Variants in FOXP4 observed in about 807,000 individuals in gnomAD.
FOXP4 encodes forkhead box protein P4.
In FOXP4, 25 loss-of-function variants were observed where a neutral mutation model predicts 82.6. The observed-to-expected ratio is 0.30, with a 90% CI of 0.22 to 0.42. The LOEUF (loss-of-function observed/expected upper bound fraction) is 0.42, where lower values mean the gene tolerates loss of function less well. Among genes scored for constraint, FOXP4 ranks in the 10% least tolerant of loss-of-function variants. The pLI, the probability that FOXP4 is intolerant of heterozygous loss-of-function variation, is 1.00. For missense variants in FOXP4, 785 were observed against 900.9 expected, an observed-to-expected ratio of 0.87 and a Z score of 1.65; for synonymous variants, 415 against 388.2, an observed-to-expected ratio of 1.07 and a Z score of -0.81.
At chr6:41,554,068 C>CG (rs1562006363) in intron 1 of FOXP4, among the ~76,000 whole-genome samples, 1 of 152,140 alleles carries the variant, frequency 6.6e-6, no homozygotes, top group African/African-American at 2.4e-5. Context: ...TGTGCTTTGC[C>CG]GTTTCACATA....
At position 41,552,260 on chromosome 6, in the gene FOXP4, A is replaced by G. The variant is rs183914069; in HGVS notation, c.-17+5393A>G. ...CTTTGGGGTTCCCCTGCAGATGCAC[A>G]TCCGCATCCTGGAAGGAAGGGGTAC... is the stretch of plus-strand genomic sequence containing the variant. On this transcript the variant is annotated intron_variant, in intron 1 of 16. Coordinates refer to ENST00000307972, the MANE Select transcript of FOXP4 (RefSeq NM_001012426.2). Among the ~76,000 whole-genome samples, 585 of 152,274 alleles carry G rather than the reference A, an allele frequency of 3.8e-3. 4 individuals are homozygous for G. The highest frequency in any genetic ancestry group is 7.9e-3 in the Admixed American group (121 of 15,306).
chr6:41,561,849 A>G (rs1764599861), intron 1 of FOXP4, among the ~76,000 whole-genome samples: 1 of 152,222 alleles, frequency 6.6e-6, no homozygotes, highest in South Asian at 2.1e-4. Flanking sequence ...GCTCAGAGAA[A>G]AGGGAAGGCA....
intron 1 of FOXP4, among the ~76,000 whole-genome samples, chr6:41,562,304 A>G (rs527254954): frequency 6.6e-6 from 1 of 152,172 alleles, no homozygotes; most frequent in Non-Finnish European, 1.5e-5. Flanking sequence ...GGGGCAGAGC[A>G]TGCCACATGG....
chr6:41,567,066 T>TC (rs1764924718), intron 2 of FOXP4, among the ~76,000 whole-genome samples: 1 of 152,112 alleles, frequency 6.6e-6, no homozygotes, highest in South Asian at 2.1e-4. Context: ...AGCAACACCA[T>TC]CAGAAGCCTG....
At chr6:41,556,952 G>T (rs187449846) in intron 1 of FOXP4, among the ~76,000 whole-genome samples, 2 of 152,300 alleles carry the variant, frequency 1.3e-5, no homozygotes, top group East Asian at 3.9e-4. Flanking sequence ...GTTTTTTAAA[G>T]CTCCCCAGAT....
intron 2 of FOXP4, among the ~76,000 whole-genome samples, chr6:41,576,014 A>G (rs1012453068): frequency 1.3e-5 from 2 of 149,044 alleles, no homozygotes; most frequent in African/African-American, 5.0e-5. Context: ...CTCCTTCCTA[A>G]TGACCACCTG....
intron 2 of FOXP4, among the ~76,000 whole-genome samples, chr6:41,566,901 G>C (rs1322067982): frequency 6.6e-6 from 1 of 152,210 alleles, no homozygotes; most frequent in Non-Finnish European, 1.5e-5. Context: ...GTGCACACGT[G>C]TGTGTACCAC....
At chr6:41,580,044 C>CTTT (rs10644693) in intron 3 of FOXP4, among the ~76,000 whole-genome samples, 1,396 of 131,906 alleles carry the variant, frequency 0.011, 25 homozygotes, top group African/African-American at 0.013. Context: ...AGAACTCACA[C>CTTT]TTTTTTTTTT....
chr6:41,582,397 C>A (rs969843820), intron 3 of FOXP4, among the ~76,000 whole-genome samples: 1 of 152,220 alleles, frequency 6.6e-6, no homozygotes, highest in African/African-American at 2.4e-5. Flanking sequence ...GCTAATGATG[C>A]AGGGAGGGCA....
intron 1 of FOXP4, among the ~76,000 whole-genome samples, chr6:41,562,517 G>C (rs1764643573): frequency 6.6e-6 from 1 of 152,118 alleles, no homozygotes; most frequent in Non-Finnish European, 1.5e-5. Flanking sequence ...AAAGAAAGGA[G>C]CACCTCTGTC....
chr6:41,563,127 G>A (rs1200218639), intron 1 of FOXP4, among the ~76,000 whole-genome samples: 1 of 152,186 alleles, frequency 6.6e-6, no homozygotes, highest in Admixed American at 6.5e-5. Context: ...AACATACAGA[G>A]AAATTCACAA....
chr6:41,547,169 G>C (rs960474592), intron 1 of FOXP4, among the ~76,000 whole-genome samples: 2 of 152,004 alleles, frequency 1.3e-5, no homozygotes, highest in African/African-American at 4.8e-5. Context: ...CGGCGGGAGT[G>C]GGGGCAGCCG....
intron 1 of FOXP4, among the ~76,000 whole-genome samples, chr6:41,560,423 C>G (rs1764502090): frequency 1.3e-5 from 2 of 152,356 alleles, no homozygotes; most frequent in East Asian, 1.9e-4. Flanking sequence ...GAAACGATAT[C>G]TTATTTAAAT....
intron 2 of FOXP4, among the ~76,000 whole-genome samples, chr6:41,567,494 A>G (rs1764949006): frequency 6.6e-6 from 1 of 152,190 alleles, no homozygotes; most frequent in South Asian, 2.1e-4. Flanking sequence ...GCAATATCCT[A>G]ACCTTTACCA....
In FOXP4 at chr6:41,552,471, C is replaced by T. The variant is rs916359867; in HGVS notation, c.-17+5604C>T. The stretch of plus-strand genomic sequence containing the variant: ...GTAGAGTTGGTCCACTGAGAGAATC[C>T]CTCCTTCAGGAAGCCTCTGAGCTTT... On this transcript the variant is annotated intron_variant, in intron 1 of 16. Coordinates refer to ENST00000307972, the MANE Select transcript of FOXP4 (RefSeq NM_001012426.2). 4.6e-5 allele frequency among the ~76,000 whole-genome samples: 7 copies of T among 152,118 alleles called. 1 individual carries two copies. Among genetic ancestry groups the T allele is most frequent in the Admixed American group, 4.6e-4 (7 of 15,270 alleles).
chr6:41,570,547 A>G (rs1221016476), intron 2 of FOXP4, among the ~76,000 whole-genome samples: 2 of 152,108 alleles, frequency 1.3e-5, no homozygotes, highest in African/African-American at 4.8e-5. Flanking sequence ...AGGAGGGCAG[A>G]GGGCGGGGCT....
chr6:41,587,173 C>T lies in FOXP4; in HGVS notation c.658+17C>T. ...TTCCGCAAGGTGAGCACCCGCCACT[C>T]CTCCCCTCCCAGCCCCAACCCCACA... On this transcript the variant is annotated intron_variant, in intron 6 of 16. Coordinates refer to ENST00000307972, the MANE Select transcript of FOXP4 (RefSeq NM_001012426.2). The T allele has an allele frequency of 6.2e-7, 1 of 1,607,692 alleles. No homozygotes were observed. Among genetic ancestry groups the T allele is most frequent in the Non-Finnish European group, 8.5e-7 (1 of 1,177,540 alleles).
At chr6:41,564,839 T>A (rs1038381825) in intron 1 of FOXP4, among the ~76,000 whole-genome samples, 33 of 152,216 alleles carry the variant, frequency 2.2e-4, no homozygotes, top group African/African-American at 7.2e-4. Flanking sequence ...CACACCTCCA[T>A]GACGAAGCCC....
At position 41,593,034 on chromosome 6, in the gene FOXP4, C is replaced by T. The variant is rs1008341568; in HGVS notation, c.1536+1712C>T. Among the ~76,000 whole-genome samples, 1 of 152,160 alleles carries T rather than the reference C, an allele frequency of 6.6e-6. No individual in the cohort carries two copies. Among genetic ancestry groups the T allele is most frequent in the Non-Finnish European group, 1.5e-5 (1 of 68,028 alleles). On this transcript the variant is annotated intron_variant, in intron 13 of 16. Coordinates refer to ENST00000307972, the MANE Select transcript of FOXP4 (RefSeq NM_001012426.2). The surrounding 1 kb of genome is among the most constrained non-coding windows in gnomAD (Gnocchi z 4.1). ...CTGCTGCTGCCTCTGTGCCTGAGGC[C>T]ACTGCCTGAGCCTTCCTCATGGCAC...
Sources: gnomAD v4.1 joint callset for allele counts (sites outside exome capture counted in the v4.1 genomes callset) on GRCh38, gnomAD v4.1.1 for gene constraint, Gnocchi (gnomAD v3.1) non-coding constraint, MANE v1.5 for transcripts, NCBI Gene and HGNC (gene_info 2026-07-23, HGNC 2026-07-21) for gene names.